The following ZNF682 variants were observed in gnomAD, a reference collection of about 807,000 sequenced individuals.
ZNF682 encodes the protein zinc finger protein 682.
ZNF682 carries 29 observed loss-of-function variants against 36.5 expected under a neutral mutation model. That is an observed-to-expected ratio of 0.80 (90% CI 0.59 to 1.08). The LOEUF is 1.08. Among genes scored for constraint, ZNF682 ranks in the 50% least tolerant of loss-of-function variants. The pLI is 0.00. For synonymous variants in ZNF682, 180 were observed against 197.0 expected (o/e 0.91, Z 0.72); for missense variants, 561 against 579.7 (o/e 0.97, Z 0.33).
Position 20,006,158 on chromosome 19 carries a change from A to T in ZNF682, c.1344T>A (p.Thr448=). 1 of 1,612,958 alleles carries T rather than the reference A, an allele frequency of 6.2e-7. No individual in the cohort carries two copies. Among genetic ancestry groups the T allele is most frequent in the South Asian group, 1.1e-5 (1 of 91,044 alleles). The part of the protein sequence containing the change: ...SHLTRHKKIH[T]AVKRYKCEEC... ...CTTCACATTTATAGCGTTTGACGGC[A>T]GTATGAATTTTCTTATGTCTAGTAA... is the stretch of plus-strand genomic sequence containing the variant. Residue 448 remains threonine (T), a synonymous_variant, in exon 4 of 4, where the codon ACT becomes ACA. Coordinates refer to ENST00000397165, the MANE Select transcript of ZNF682 (RefSeq NM_033196.3).
intron 1 of ZNF682, among the ~76,000 whole-genome samples, chr19:20,037,267 G>A (rs1416853795): frequency 2.0e-5 from 3 of 152,110 alleles, no homozygotes; most frequent in Admixed American, 2.0e-4. Context: ...AGCCATGGGT[G>A]GGACAGTGCA....
intron 3 of ZNF682, among the ~76,000 whole-genome samples, chr19:20,016,209 G>A (rs1044885862): frequency 6.6e-6 from 1 of 152,124 alleles, no homozygotes; most frequent in Non-Finnish European, 1.5e-5. Flanking sequence ...TACTTGGGGG[G>A]CTGAGTCAGT....
At chr19:20,028,213 GGTTT>G (rs61022181) in intron 1 of ZNF682, among the ~76,000 whole-genome samples, 15 of 151,514 alleles carry the variant, frequency 9.9e-5, no homozygotes, top group African/African-American at 3.4e-4. Flanking sequence ...TGATTCTGCA[GGTTT>G]GTTTGTTTGA....
At chr19:20,017,361 GAT>G (rs1418921997) in intron 3 of ZNF682, among the ~76,000 whole-genome samples, 2 of 152,088 alleles carry the variant, frequency 1.3e-5, no homozygotes, top group Non-Finnish European at 2.9e-5. Flanking sequence ...AAAGTGACAG[GAT>G]ACAAAAATAT....
chr19:20,018,057 T>C (rs1395733444), intron 3 of ZNF682, among the ~76,000 whole-genome samples: 1 of 142,274 alleles, frequency 7.0e-6, no homozygotes, highest in African/African-American at 2.6e-5. Flanking sequence ...TTTGCAGAAA[T>C]ATAGTTAAGA....
intron 1 of ZNF682, among the ~76,000 whole-genome samples, chr19:20,029,176 G>A (rs1414949475): frequency 2.6e-5 from 4 of 151,452 alleles, no homozygotes; most frequent in African/African-American, 9.7e-5. Flanking sequence ...ATGGGGTTTC[G>A]CCATGTTGGC....
chr19:20,002,371 G>T (rs541565197), downstream of ZNF682, among the ~76,000 whole-genome samples: 2 of 151,674 alleles, frequency 1.3e-5, no homozygotes, highest in African/African-American at 4.8e-5. Context: ...TCTTTTAGCC[G>T]ATCTTTGTCC....
chr19:20,004,503 G>A lies in ZNF682; in HGVS notation c.*1502C>T, dbSNP rs534273416. On this transcript the variant is annotated 3_prime_UTR_variant, in exon 4 of 4. Transcript: ENST00000397165. ...TACAAAATCCACTATACTATCTAATGTGCAATTGGTAAAACAATTTACTAA... is the reference window on the plus strand; with the variant it reads ...TACAAAATCCACTATACTATCTAATATGCAATTGGTAAAACAATTTACTAA... 11 of 152,312 alleles carry A rather than the reference G, an allele frequency of 7.2e-5. No homozygotes were observed. The highest frequency in any genetic ancestry group is 2.6e-4 in the African/African-American group (11 of 41,568). The allele number at this position is 152,312 out of a possible 1,614,324, so 9.4% of individuals were successfully genotyped here. A position where few individuals can be genotyped will look rare whatever the true frequency, so the allele number is the denominator to read the frequency against.
chr19:20,013,312 C>T (rs1055405723), intron 3 of ZNF682, among the ~76,000 whole-genome samples: 2 of 151,850 alleles, frequency 1.3e-5, no homozygotes, highest in Non-Finnish European at 2.9e-5. Flanking sequence ...TATATATTAT[C>T]ATCAGGGTTC....
At chr19:20,023,908 G>C (rs1270666029) in intron 2 of ZNF682, among the ~76,000 whole-genome samples, 7 of 152,066 alleles carry the variant, frequency 4.6e-5, no homozygotes, top group Non-Finnish European at 7.4e-5. Flanking sequence ...CTTGAACCCA[G>C]GAGGTGGAGG....
At chr19:20,003,054 G>C (rs981740364), downstream of ZNF682, among the ~76,000 whole-genome samples, 1 of 151,522 alleles carries the variant, frequency 6.6e-6, no homozygotes, top group East Asian at 2.0e-4. Flanking sequence ...AGCCGGGCGT[G>C]GTGGTGGGCG....
At chr19:20,018,154 C>T (rs911883949) in intron 3 of ZNF682, among the ~76,000 whole-genome samples, 3 of 113,840 alleles carry the variant, frequency 2.6e-5, no homozygotes, top group Non-Finnish European at 3.3e-5. Flanking sequence ...AGTGCAGTGG[C>T]GGGATCTCGG....
Position 20,024,235 on chromosome 19 carries a change from T to C in ZNF682, c.130+15A>G. ...TTTGTGTGAAATAGAAATTGTGTAT[T>C]GAAGTTATTCTCACCCAGAGAGACC... On this transcript the variant is annotated intron_variant, in intron 2 of 3. Coordinates refer to ENST00000397165, the MANE Select transcript of ZNF682 (RefSeq NM_033196.3). The C allele has an allele frequency of 6.2e-7, 1 of 1,612,970 alleles. No homozygotes were observed. The highest frequency in any genetic ancestry group is 8.5e-7 in the Non-Finnish European group (1 of 1,179,574).
intron 1 of ZNF682, among the ~76,000 whole-genome samples, chr19:20,028,072 A>G (rs776897554): frequency 8.5e-5 from 13 of 152,218 alleles, no homozygotes; most frequent in Non-Finnish European, 1.8e-4. Flanking sequence ...GACACAGGTA[A>G]GGGTATTTCT....
downstream of ZNF682, chr19:19,996,924 G>A (rs765087397): frequency 1.4e-5 from 4 of 288,108 alleles, no homozygotes; most frequent in African/African-American, 4.3e-5. Context: ...AGAAAGCCCT[G>A]TGCTCTCCTT....
At chr19:19,996,653 T>C (rs1195156926), downstream of ZNF682, among the ~76,000 whole-genome samples, 4 of 152,098 alleles carry the variant, frequency 2.6e-5, no homozygotes, top group East Asian at 7.7e-4. Context: ...GGCATAAGAA[T>C]GATACATGAA....
At chr19:20,010,242 G>A (rs996194395) in intron 3 of ZNF682, among the ~76,000 whole-genome samples, 1 of 152,096 alleles carries the variant, frequency 6.6e-6, no homozygotes, top group Non-Finnish European at 1.5e-5. Context: ...ACACACATAA[G>A]TACATAGCCC....
At chr19:19,999,754 C>T (rs901682347), downstream of ZNF682, among the ~76,000 whole-genome samples, 2 of 152,128 alleles carry the variant, frequency 1.3e-5, no homozygotes, top group Non-Finnish European at 2.9e-5. Flanking sequence ...AGGCTGGTAT[C>T]GAACTCCTGG....
intron 3 of ZNF682, chr19:20,015,070 G>T (rs891398202): frequency 2.3e-6 from 1 of 429,758 alleles, no homozygotes; most frequent in African/African-American, 2.2e-5. Flanking sequence ...ACAGAACTGT[G>T]TAACTGAAAA....
Sources: gnomAD v4.1 joint callset for allele counts (sites outside exome capture counted in the v4.1 genomes callset) on GRCh38, gnomAD v4.1.1 for gene constraint, MANE v1.5 for transcripts, NCBI Gene and HGNC (gene_info 2026-07-23, HGNC 2026-07-21) for gene names.